The following PSMC3 variants were observed in gnomAD, a reference collection of about 807,000 sequenced individuals.
PSMC3 encodes the protein proteasome 26S subunit, ATPase 3.
Under a neutral mutation model 52.0 loss-of-function variants are expected in PSMC3, and 11 were observed. The ratio of observed to expected loss-of-function variants is 0.21; its 90% CI spans 0.13 to 0.35. The LOEUF is 0.35. PSMC3 is among the 10% of genes least tolerant of loss of function. The probability of loss-of-function intolerance (pLI) is 1.00; values close to 1 mark genes in which losing one functional copy is unlikely to be tolerated. For synonymous variants in PSMC3, 201 were observed against 218.8 expected, an observed-to-expected ratio of 0.92 and a Z score of 0.72; for missense variants, 238 against 567.1, an observed-to-expected ratio of 0.42 and a Z score of 5.89.
chr11:47,419,608 C>T (rs1000932226), intron 10 of PSMC3, among the ~76,000 whole-genome samples: 3 of 151,864 alleles, frequency 2.0e-5, no homozygotes, highest in African/African-American at 7.3e-5. Context: ...ACCTATAATC[C>T]CAGCACTTTG....
intron 1 of PSMC3, 78 bp from the exon 2 acceptor site, chr11:47,426,028 A>G: frequency 6.8e-7 from 1 of 1,461,856 alleles, no homozygotes; most frequent in Non-Finnish European, 9.5e-7. Flanking sequence ...ACCCACTCAC[A>G]GCCTCAGTTT....
rs35942756 is a variant in PSMC3 at position 47,423,791 on chromosome 11, GAA to G, written c.591+253_591+254del. Among the ~76,000 whole-genome samples, 551 of 142,130 alleles carry G rather than the reference GAA, an allele frequency of 3.9e-3. 1 individual carries two copies. The highest frequency in any genetic ancestry group is 8.2e-3 in the African/African-American group (320 of 38,828). 93.2% of individuals were successfully genotyped at this position (142,130 alleles called of 152,430 possible). A position where few individuals can be genotyped will look rare whatever the true frequency, so the allele number is the denominator to read the frequency against. ...GCAGTAAAAGCAAAACTCCATCTCG[GAA>G]AAAAAAAAAAAAAGGACACTGGGCC... On this transcript the variant is annotated intron_variant, in intron 6 of 11. Coordinates refer to ENST00000298852, the MANE Select transcript of PSMC3 (RefSeq NM_002804.5).
intron 2 of PSMC3, 42 bp downstream of exon 2, chr11:47,425,825 C>G: frequency 3.2e-6 from 5 of 1,577,630 alleles, no homozygotes; most frequent in Non-Finnish European, 4.3e-6. Context: ...CGGGGCCTGT[C>G]CTGTGGGGGC....
At position 47,420,392 on chromosome 11, in the gene PSMC3, G is replaced by A; in HGVS notation, c.999C>T (p.Asn333=). The A allele has an allele frequency of 1.2e-6, 2 of 1,613,014 alleles. No homozygotes were observed. The highest frequency in any genetic ancestry group is 1.7e-6 in the Non-Finnish European group (2 of 1,179,170). The part of the protein sequence containing the change: ...NTQVKVIAAT[N]RVDILDPALL... ...GGGCGGGGTCCAGGATGTCCACCCT[G>A]TTTGTGGCTGCAATTACCTGAGGAA... is the stretch of plus-strand genomic sequence containing the variant. Residue 333 remains asparagine, a synonymous_variant, in exon 10 of 12, where the codon AAC becomes AAT. Transcript: ENST00000298852.
intron 10 of PSMC3, 81 bp downstream of exon 10, chr11:47,420,183 A>C: frequency 6.5e-7 from 1 of 1,535,430 alleles, no homozygotes; most frequent in Non-Finnish European, 8.9e-7. Context: ...GAGGCTGGGG[A>C]AGATCAGTAC....
chr11:47,418,805 AG>A lies in PSMC3; in HGVS notation c.*29del. The A allele has an allele frequency of 6.3e-7, 1 of 1,587,110 alleles. No individual in the cohort carries two copies. The highest frequency in any genetic ancestry group is 1.3e-5 in the African/African-American group (1 of 74,420). On this transcript the variant is annotated 3_prime_UTR_variant, in exon 12 of 12. Transcript: ENST00000298852. ...TAAACCATCTTTTATTGCGCACTTCAGCCGTGAGACTGGGGCTGGCCTGTGT... is the reference window on the plus strand; with the variant it reads ...TAAACCATCTTTTATTGCGCACTTCACCGTGAGACTGGGGCTGGCCTGTGT...
chr11:47,421,700 C>T (rs3781624), intron 8 of PSMC3, among the ~76,000 whole-genome samples: 39,743 of 149,864 alleles, frequency 0.27, 6,027 homozygotes, highest in Admixed American at 0.37. Flanking sequence ...TCATCCAGGC[C>T]GGAGCACAGT....
In PSMC3 at chr11:47,424,938, A is replaced by G. The variant is rs544765298; in HGVS notation, c.285+183T>C. Among the ~76,000 whole-genome samples, 2 of 152,232 alleles carry G rather than the reference A, an allele frequency of 1.3e-5. No individual in the cohort carries two copies. Among genetic ancestry groups the G allele is most frequent in the South Asian group, 4.1e-4 (2 of 4,826 alleles). On this transcript the variant is annotated intron_variant, in intron 3 of 11. Transcript: ENST00000298852. The surrounding 1 kb of genome is among the most constrained non-coding windows in gnomAD (Gnocchi z 4.8). ...GAGGAGACATAACCAACAGAAAAGG[A>G]GACACGTGAGACCTCCCAGGACTTT...
At position 47,422,780 on chromosome 11, in the gene PSMC3, A is replaced by AC; in HGVS notation, c.735+49_735+50insG. The AC allele has an allele frequency of 6.2e-7, 1 of 1,607,672 alleles. No individual in the cohort carries two copies. Among genetic ancestry groups the AC allele is most frequent in the Non-Finnish European group, 8.5e-7 (1 of 1,175,278 alleles). ...GGCAGACCCTTTGAGCCCATCTGGT[A>AC]GAGTTTCTGCTCCTGCCCACTTCCC... is the stretch of plus-strand genomic sequence containing the variant. On this transcript the variant is annotated intron_variant, in intron 7 of 11. Coordinates refer to ENST00000298852, the MANE Select transcript of PSMC3 (RefSeq NM_002804.5). This position sits in a 1 kb window ranked among gnomAD's most constrained non-coding sequence, Gnocchi z 4.3.
At chr11:47,425,542 C>G in intron 2 of PSMC3, 1 of 548,136 alleles carries the variant, frequency 1.8e-6, no homozygotes. Context: ...TGCTTTATCG[C>G]AGTACAAACC....
In PSMC3 at chr11:47,419,728, G is replaced by A. The variant is rs568098757; in HGVS notation, c.1128-531C>T. On this transcript the variant is annotated intron_variant, in intron 10 of 11. Coordinates refer to ENST00000298852, the MANE Select transcript of PSMC3 (RefSeq NM_002804.5). ...CAAAAAATTAGCCGGGCGTGGTGGC[G>A]GGCGCCTGTAGTCCCAGCTACTCGG... 3.7e-4 allele frequency among the ~76,000 whole-genome samples: 56 copies of A among 152,102 alleles called. No individual in the cohort carries two copies. In the East Asian group the frequency reaches 5.4e-3, roughly 15 times the overall value.
rs373379440 is a variant in PSMC3 at position 47,420,152 on chromosome 11, G to C, written c.1127+112C>G. On this transcript the variant is annotated intron_variant, in intron 10 of 11. Transcript: ENST00000298852. ...TGGAACGGTGCTGTGTGTGCCTGGG[G>C]CCTGGGAGGTGGTGGTCGTGGAGGC... The C allele has an allele frequency of 3.0e-5, 39 of 1,287,498 alleles. No homozygotes were observed. In the East Asian group the frequency reaches 9.2e-4, roughly 31 times the overall value. The allele number at this position is 1,287,498 out of a possible 1,614,324, so 79.8% of individuals were successfully genotyped here. A position where few individuals can be genotyped will look rare whatever the true frequency, so the allele number is the denominator to read the frequency against.
In PSMC3 at chr11:47,424,260, A is replaced by G. The variant is rs1404577524; in HGVS notation, c.454-77T>C. ...AACTGACTGGGTGACAGGTGTCTGC[A>G]GAGGGAAAGACACAGGACTGGGCAA... On this transcript the variant is annotated intron_variant, in intron 5 of 11. Transcript: ENST00000298852. This position sits in a 1 kb window ranked among gnomAD's most constrained non-coding sequence, Gnocchi z 4.8. The G allele has an allele frequency of 1.3e-6, 2 of 1,596,840 alleles. No individual in the cohort carries two copies. The highest frequency in any genetic ancestry group is 1.7e-6 in the Non-Finnish European group (2 of 1,164,498).
chr11:47,423,797 A>G (rs889438271), intron 6 of PSMC3, among the ~76,000 whole-genome samples: 10 of 151,922 alleles, frequency 6.6e-5, no homozygotes, highest in Admixed American at 3.9e-4. Context: ...CTCGGAAAAA[A>G]AAAAAAAAAG....
At chr11:47,418,966 G>A in intron 11 of PSMC3, 21 bp from the exon 12 acceptor site, 2 of 1,613,158 alleles carry the variant, frequency 1.2e-6, no homozygotes, top group Middle Eastern at 1.6e-4. Flanking sequence ...GACAAACAGA[G>A]TCTAGGTCTG....
rs538373759 is a variant in PSMC3, at chr11:47,424,829, C to T, written c.286-118G>A. 29 of 970,080 alleles carry T rather than the reference C, an allele frequency of 3.0e-5. No homozygotes were observed. In the East Asian group the frequency reaches 7.4e-4, roughly 25 times the overall value. 60.1% of individuals were successfully genotyped at this position (970,080 alleles called of 1,614,324 possible). ...CCTCCCTCCTCCAATAGCCCTGAGC[C>T]CACCAAACGTGGGTGCCCCTGCTAA... On this transcript the variant is annotated intron_variant, in intron 3 of 11. Coordinates refer to ENST00000298852, the MANE Select transcript of PSMC3 (RefSeq NM_002804.5). This position sits in a 1 kb window ranked among gnomAD's most constrained non-coding sequence, Gnocchi z 4.8.
chr11:47,419,224 T>C (rs954568961), intron 10 of PSMC3, 27 bp from the exon 11 acceptor site: 5 of 1,612,680 alleles, frequency 3.1e-6, no homozygotes, highest in Non-Finnish European at 4.2e-6. Context: ...TACCACAGGC[T>C]CAGTGGCTTA....
Position 47,425,114 on chromosome 11 carries a change from C to T in PSMC3, c.285+7G>A. ...CTCCCTCTCTTCCCCTCCACATACACACACACCTCGATGACGTTGGAGACA... is the reference window on the plus strand; with the variant it reads ...CTCCCTCTCTTCCCCTCCACATACATACACACCTCGATGACGTTGGAGACA... On this transcript the variant is annotated splice_region_variant and intron_variant, in intron 3 of 11. Transcript: ENST00000298852. 1 of 1,613,974 alleles carries T rather than the reference C, an allele frequency of 6.2e-7. No individual in the cohort carries two copies. Among genetic ancestry groups the T allele is most frequent in the East Asian group, 2.2e-5 (1 of 44,890 alleles).
chr11:47,420,123 C>T (rs916607935), intron 10 of PSMC3, 141 bp downstream of exon 10: 18 of 973,538 alleles, frequency 1.8e-5, no homozygotes, highest in African/African-American at 9.6e-5. Context: ...CGGAGGCTGG[C>T]GTGTGGAACG....
Sources: allele counts gnomAD v4.1 joint callset (sites outside exome capture counted in the v4.1 genomes callset), GRCh38; gene constraint gnomAD v4.1.1; non-coding constraint Gnocchi (gnomAD v3.1); transcripts MANE v1.5; gene names NCBI Gene and HGNC (gene_info 2026-07-23, HGNC 2026-07-21).